Variants in EPB41L2 observed in about 807,000 individuals in gnomAD.
EPB41L2 encodes band 4.1-like protein 2.
EPB41L2 carries 43 observed loss-of-function variants against 113.0 expected under a neutral mutation model. The observed-to-expected ratio is 0.38, with a 90% CI of 0.30 to 0.49. The LOEUF (loss-of-function observed/expected upper bound fraction) is 0.49. EPB41L2 is among the 20% of genes least tolerant of loss of function. The pLI is 0.95. For missense variants in EPB41L2, 1,147 were observed against 1,223.4 expected (o/e 0.94, Z 0.93); for synonymous variants, 442 against 436.7 (o/e 1.01, Z -0.15).
rs767057250 is a variant in EPB41L2 at position 130,867,695 on chromosome 6, A to G, written c.2608-114T>C. 3 of 1,364,070 alleles carry G rather than the reference A, an allele frequency of 2.2e-6. No homozygotes were observed. The African/African-American group carries it at 4.4e-5, about 20-fold the overall frequency. The allele number at this position is 1,364,070 out of a possible 1,614,324, so 84.5% of individuals were successfully genotyped here. The stretch of plus-strand genomic sequence containing the variant: ...ATATCCAAACACACACTCATGCACA[A>G]AAGAAAAGAGTAAAAGCAAACAACC... On this transcript the variant is annotated intron_variant, in intron 15 of 19. Transcript: ENST00000337057.
chr6:130,841,762 T>C (rs565538328), intron 19 of EPB41L2, among the ~76,000 whole-genome samples: 16 of 152,268 alleles, frequency 1.1e-4, no homozygotes, highest in African/African-American at 3.9e-4. Context: ...ACAGCCTGGG[T>C]GAAGCATTAG....
chr6:130,929,593 A>G (rs1054206828), intron 3 of EPB41L2, among the ~76,000 whole-genome samples: 2 of 152,182 alleles, frequency 1.3e-5, no homozygotes, highest in Non-Finnish European at 2.9e-5. Context: ...ATCAATGATG[A>G]GCACGACAAA....
At chr6:130,964,152 G>T (rs536682685) in intron 1 of EPB41L2, among the ~76,000 whole-genome samples, 61 of 152,076 alleles carry the variant, frequency 4.0e-4, no homozygotes, top group African/African-American at 1.4e-3. Flanking sequence ...CTCCCAAGTA[G>T]CTGGGATTAC....
At chr6:130,867,307 GC>G in intron 16 of EPB41L2, 151 bp downstream of exon 16, 1 of 986,600 alleles carries the variant, frequency 1.0e-6, no homozygotes, top group Non-Finnish European at 1.5e-6. Flanking sequence ...AGAGAACATA[GC>G]AAATTATGTT....
chr6:131,041,157 G>C (rs1001954584), intron 1 of EPB41L2, among the ~76,000 whole-genome samples: 2 of 152,140 alleles, frequency 1.3e-5, no homozygotes, highest in African/African-American at 4.8e-5. Flanking sequence ...AAATATTAGA[G>C]AACTACTGTC....
intron 13 of EPB41L2, 48 bp from the exon 14 acceptor site, chr6:130,878,298 A>T: frequency 6.4e-7 from 1 of 1,563,898 alleles, no homozygotes; most frequent in Non-Finnish European, 8.6e-7. Flanking sequence ...AAAAGGAAAA[A>T]ACCCAGTAGG....
chr6:130,987,198 T>C lies in EPB41L2; in HGVS notation c.-14-30699A>G, dbSNP rs553165396. On this transcript the variant is annotated intron_variant, in intron 1 of 19. Coordinates refer to ENST00000337057, the MANE Select transcript of EPB41L2 (RefSeq NM_001431.4). ...AGCCACTATGAACATCCGTGTATAA[T>C]TTATTGTGTGGTCATACGTTTTCAT... is the stretch of plus-strand genomic sequence containing the variant. Among the ~76,000 whole-genome samples the C allele has an allele frequency of 1.1e-4, 16 of 152,334 alleles. 1 individual carries two copies. The highest frequency in any genetic ancestry group is 3.8e-4 in the African/African-American group (16 of 41,566).
rs1792547206 is a variant in EPB41L2, at chr6:131,033,068, G to T, written c.-15+30087C>A. On this transcript the variant is annotated intron_variant, in intron 1 of 19. Transcript: ENST00000337057. ...TTTTTGTAGTTTTAGTAGAGACAGG[G>T]TTTCACCATCTTGGCAAGGCTGGTC... 2.0e-5 allele frequency among the ~76,000 whole-genome samples: 3 copies of T among 152,038 alleles called. No individual in the cohort carries two copies. The South Asian group carries it at 6.2e-4, about 32-fold the overall frequency.
At chr6:130,846,709 GAC>G in intron 19 of EPB41L2, among the ~76,000 whole-genome samples, 1 of 152,268 alleles carries the variant, frequency 6.6e-6, no homozygotes, top group East Asian at 1.9e-4. Flanking sequence ...GGCCTTTTGG[GAC>G]TGGGTTGACC....
intron 1 of EPB41L2, among the ~76,000 whole-genome samples, chr6:131,041,629 G>A (rs1241636407): frequency 7.9e-5 from 12 of 152,092 alleles, no homozygotes; most frequent in Non-Finnish European, 1.5e-5. Flanking sequence ...ATACTAAACA[G>A]CACCACAGGC....
rs536123655 is a variant in EPB41L2, at chr6:130,937,552, G to C, written c.706-10843C>G. On this transcript the variant is annotated intron_variant, in intron 3 of 19. Transcript: ENST00000337057. Reference sequence around the variant, plus strand: ...AAAAAAATGATTGGCTGGGCGCGGTGGCTCATGCCTGTAATCCCAGCACTT... The same window carrying C: ...AAAAAAATGATTGGCTGGGCGCGGTCGCTCATGCCTGTAATCCCAGCACTT... 8.5e-5 allele frequency among the ~76,000 whole-genome samples: 13 copies of C among 152,320 alleles called. No homozygotes were observed. In the East Asian group the frequency reaches 2.3e-3, roughly 27 times the overall value.
intron 1 of EPB41L2, among the ~76,000 whole-genome samples, chr6:130,991,444 T>C (rs955717760): frequency 2.6e-5 from 4 of 152,174 alleles, no homozygotes; most frequent in Non-Finnish European, 5.9e-5. Flanking sequence ...GCTTTCAACA[T>C]GTCTAATTCA....
intron 4 of EPB41L2, among the ~76,000 whole-genome samples, chr6:130,916,159 G>A (rs955161193): frequency 6.6e-6 from 1 of 151,808 alleles, no homozygotes; most frequent in Admixed American, 6.5e-5. Flanking sequence ...CACAAAAAGA[G>A]GTGGGATTTT....
At chr6:130,916,678 C>T (rs1169332442) in intron 4 of EPB41L2, among the ~76,000 whole-genome samples, 2 of 152,198 alleles carry the variant, frequency 1.3e-5, no homozygotes, top group Non-Finnish European at 2.9e-5. Flanking sequence ...ATCAAAAGAA[C>T]AGTTTATCCC....
intron 3 of EPB41L2, among the ~76,000 whole-genome samples, chr6:130,939,184 A>T (rs890276848): frequency 6.6e-6 from 1 of 152,164 alleles, no homozygotes; most frequent in Non-Finnish European, 1.5e-5. Context: ...CCACAAAACT[A>T]TATATAATAA....
At position 131,002,410 on chromosome 6, in the gene EPB41L2, T is replaced by C. The variant is rs187385608; in HGVS notation, c.-14-45911A>G. 3.9e-5 allele frequency among the ~76,000 whole-genome samples: 6 copies of C among 152,314 alleles called. No homozygotes were observed. In the East Asian group the frequency reaches 1.2e-3, roughly 29 times the overall value. On this transcript the variant is annotated intron_variant, in intron 1 of 19. Transcript: ENST00000337057. Reference sequence around the variant, plus strand: ...CCTTGTCCCTGAGGAGCTGATAACCTAGACCGCTAACACAGACAACCTCAT... The same window carrying C: ...CCTTGTCCCTGAGGAGCTGATAACCCAGACCGCTAACACAGACAACCTCAT...
chr6:130,872,583 A>G, intron 14 of EPB41L2: 1 of 1,252,680 alleles, frequency 8.0e-7, no homozygotes, highest in Non-Finnish European at 1.0e-6. Flanking sequence ...GCAATAAGTC[A>G]GAACAGACAG....
At chr6:130,869,508 T>TC (rs1161043795) in intron 15 of EPB41L2, 55 bp downstream of exon 15, 16 of 1,496,620 alleles carry the variant, frequency 1.1e-5, no homozygotes, top group Non-Finnish European at 1.5e-5. Flanking sequence ...AGGCAGGAGT[T>TC]CCCCATCTGA....
intron 1 of EPB41L2, among the ~76,000 whole-genome samples, chr6:130,966,562 G>A (rs140838224): frequency 2.0e-5 from 3 of 152,262 alleles, no homozygotes; most frequent in African/African-American, 4.8e-5. Context: ...TAAAGAAACT[G>A]GGGAAGAATG....
Sources: allele counts gnomAD v4.1 joint callset (sites outside exome capture counted in the v4.1 genomes callset), GRCh38; gene constraint gnomAD v4.1.1; transcripts MANE v1.5; gene names NCBI Gene and HGNC (gene_info 2026-07-23, HGNC 2026-07-21).